Variants in COL5A3 observed in about 807,000 individuals in gnomAD.
COL5A3 encodes the protein collagen alpha-3(V) chain.
COL5A3 carries 172 observed loss-of-function variants against 250.0 expected under a neutral mutation model. That is an observed-to-expected ratio of 0.69 (90% confidence interval 0.61 to 0.78). The LOEUF is 0.78. Among genes scored for constraint, COL5A3 ranks in the 30% least tolerant of loss-of-function variants. COL5A3 has a pLI of 0.00. For synonymous variants in COL5A3, 937 were observed against 900.4 expected (o/e 1.04, Z -0.73); for missense variants, 2,340 against 2,334.4 (o/e 1.00, Z -0.05).
At position 9,972,375 on chromosome 19, in the gene COL5A3, A is replaced by T. The variant is rs185513046; in HGVS notation, c.3774+544T>A. Among the ~76,000 whole-genome samples the T allele has an allele frequency of 2.2e-4, 34 of 152,320 alleles. No homozygotes were observed. The East Asian group carries it at 6.4e-3, about 29-fold the overall frequency. On this transcript the variant is annotated intron_variant, in intron 51 of 66. Transcript: ENST00000264828. ...TATTCATCCATTTATTCATTCACGTATTCATCCATCCACTGAGTTATTCAC... is the reference window on the plus strand; with the variant it reads ...TATTCATCCATTTATTCATTCACGTTTTCATCCATCCACTGAGTTATTCAC...
rs772245345 is a variant in COL5A3, at chr19:9,995,565, A to G, written c.1586T>C (p.Met529Thr). The G allele has an allele frequency of 1.9e-6, 3 of 1,608,038 alleles. No homozygotes were observed. The highest frequency in any genetic ancestry group is 2.2e-5 in the South Asian group (2 of 90,228). ...PHGPPGRVGK[M>T]GRPGADGARG... ...TCTGGGGACCTAGCTGTCACTCACC[A>G]TCTTGCCCACTCGGCCAGGGGGTCC... The change falls in exon 16 of 67, where the codon ATG becomes ACG. Residue 529 changes from methionine to threonine, a missense_variant and splice_region_variant. Around this residue, in one of 3 missense-constraint regions of COL5A3, gnomAD observed 1,152 missense variants for 1,146.3 expected, o/e 1.00. Coordinates refer to ENST00000264828, the MANE Select transcript of COL5A3 (RefSeq NM_015719.4).
In COL5A3 at chr19:9,966,390, C is replaced by T; in HGVS notation, c.4706G>A (p.Arg1569Gln). 6.2e-7 allele frequency: 1 copy of T among 1,609,130 alleles called. No homozygotes were observed. ...YWIDPNQGCA[R>Q]DSFRVFCNFT... ...GTTGCAAAAAACCCTGAACGAGTCC[C>T]GCGCGCAGCCCTGGTTGGGGTCAAT... is the stretch of plus-strand genomic sequence containing the variant. Residue 1569 changes from arginine to glutamine, a missense_variant, in exon 64 of 67, where the codon CGG becomes CAG. Around this residue, in one of 3 missense-constraint regions of COL5A3, gnomAD observed 1,179 missense variants for 1,162.6 expected, o/e 1.01. Transcript: ENST00000264828.
chr19:9,995,602 G>C lies in COL5A3; in HGVS notation c.1549C>G (p.Gln517Glu). ...AEGPQGPRGL[Q>E]GPHGPPGRVG... The stretch of plus-strand genomic sequence containing the variant: ...CGGCCAGGGGGTCCATGAGGTCCCT[G>C]CAGGCCTCGGGGACCCTAGAAGAAA... The change falls in exon 16 of 67, where the codon CAG (glutamine) becomes GAG (glutamate). Residue 517 changes from glutamine (Q) to glutamate (E), a missense_variant. By Grantham distance (29) the Gln-to-Glu change is conservative (BLOSUM62 2). Transcript: ENST00000264828. 2 of 1,602,964 alleles carry C rather than the reference G, an allele frequency of 1.2e-6. No individual in the cohort carries two copies. The highest frequency in any genetic ancestry group is 1.7e-6 in the Non-Finnish European group (2 of 1,174,466).
intron 1 of COL5A3, among the ~76,000 whole-genome samples, chr19:10,008,789 G>A (rs1026178543): frequency 1.3e-5 from 2 of 152,172 alleles, no homozygotes; most frequent in African/African-American, 4.8e-5. Flanking sequence ...GCTTGCAGGT[G>A]TGTCTGTGAC....
chr19:9,977,633 G>A lies in COL5A3; in HGVS notation c.3087C>T (p.Ser1029=), dbSNP rs373645845. The change falls in exon 42 of 67, where the codon AGC becomes AGT. Residue 1029 remains serine (S), a synonymous_variant. Transcript: ENST00000264828. The stretch of plus-strand genomic sequence containing the variant: ...TGCCTGCAGGGCCAACGGGGCCTTC[G>A]CTGCCACTTTGGCCAGGAAGTCCAA... ...GGIGLPGQSG[S]EGPVGPAGKK... 1.1e-4 allele frequency: 182 copies of A among 1,606,510 alleles called. No homozygotes were observed. The highest frequency in any genetic ancestry group is 2.0e-4 in the East Asian group (9 of 44,736).
rs1167937872 is a variant in COL5A3 at position 10,005,809 on chromosome 19, G to T, written c.424C>A (p.Leu142Ile). ...CCCCATGCTCACCTGCCATCTGTGA[G>T]GTTGACCTGCTGGGGGAGGGGGCGG... The part of the protein sequence containing the change: ...PFRPLPQQVN[L>I]TDGRWHRVAV... The change falls in exon 3 of 67, where the codon CTC becomes ATC. Residue 142 changes from leucine (L) to isoleucine (I), a missense_variant. Physicochemically the swap from Leu to Ile is conservative, Grantham distance 5. Coordinates refer to ENST00000264828, the MANE Select transcript of COL5A3 (RefSeq NM_015719.4). 3.1e-6 allele frequency: 5 copies of T among 1,611,504 alleles called. No homozygotes were observed. Among genetic ancestry groups the T allele is most frequent in the Non-Finnish European group, 4.2e-6 (5 of 1,178,476 alleles).
In COL5A3 at chr19:9,968,523, G is replaced by T; in HGVS notation, c.4207-31C>A. 1 of 1,577,598 alleles carries T rather than the reference G, an allele frequency of 6.3e-7. No individual in the cohort carries two copies. Among genetic ancestry groups the T allele is most frequent in the Non-Finnish European group, 8.6e-7 (1 of 1,163,776 alleles). ...GGACAAAAGAGGCACAGACAGGGGA[G>T]GACGTGGGAGGATTCAGGGAGGTTT... On this transcript the variant is annotated intron_variant, in intron 58 of 66. Coordinates refer to ENST00000264828, the MANE Select transcript of COL5A3 (RefSeq NM_015719.4). The surrounding 1 kb of genome is among the most constrained non-coding windows in gnomAD (Gnocchi z 4.1).
In COL5A3 at chr19:9,990,780, G is replaced by T. The variant is rs558313288; in HGVS notation, c.1992+830C>A. Among the ~76,000 whole-genome samples, 9 of 152,096 alleles carry T rather than the reference G, an allele frequency of 5.9e-5. No homozygotes were observed. The East Asian group carries it at 1.5e-3, about 26-fold the overall frequency. On this transcript the variant is annotated intron_variant, in intron 24 of 66. Transcript: ENST00000264828. ...GGGTTTCACCATGTTAGCCAGGATGGTCTCGATCTCCTGACCTCGTGATCC... is the reference window on the plus strand; with the variant it reads ...GGGTTTCACCATGTTAGCCAGGATGTTCTCGATCTCCTGACCTCGTGATCC...
intron 56 of COL5A3, 39 bp from the exon 57 acceptor site, chr19:9,969,441 T>C: frequency 3.1e-6 from 5 of 1,601,328 alleles, no homozygotes; most frequent in Non-Finnish European, 4.3e-6. Context: ...CTGCACCCTG[T>C]CAGAACACAG....
rs1381276270 is a variant in COL5A3 at position 10,009,342 on chromosome 19, C to G, written c.88+956G>C. On this transcript the variant is annotated intron_variant, in intron 1 of 66. Coordinates refer to ENST00000264828, the MANE Select transcript of COL5A3 (RefSeq NM_015719.4). The surrounding 1 kb of genome is among the most constrained non-coding windows in gnomAD (Gnocchi z 4.4). ...TCCCGAAGCGCCCCCCACTCTGAAC[C>G]CTGAGGGGCGGGACAGGGCGCCCAG... Among the ~76,000 whole-genome samples, 2 of 152,110 alleles carry G rather than the reference C, an allele frequency of 1.3e-5. No individual in the cohort carries two copies. Among genetic ancestry groups the G allele is most frequent in the Non-Finnish European group, 2.9e-5 (2 of 68,018 alleles).
intron 64 of COL5A3, among the ~76,000 whole-genome samples, chr19:9,963,567 G>GC (rs1263662889): frequency 1.7e-5 from 2 of 118,444 alleles, no homozygotes; most frequent in East Asian, 5.9e-4. Context: ...TTTTTGGGGG[G>GC]GGGGGCGGGT....
rs771222862 is a variant in COL5A3 at position 9,966,652 on chromosome 19, G to A, written c.4553C>T (p.Ala1518Val). 28 of 1,538,070 alleles carry A rather than the reference G, an allele frequency of 1.8e-5. No individual in the cohort carries two copies. The African/African-American group carries it at 3.6e-4, about 20-fold the overall frequency. ...CTCCAAGCTCAGCGATGTGAGCGAG[G>A]CCAGCACCTCCTCCAGGCCGCCCTC... ...VVEGGLEEVLASLTSLSLELE... is the reference protein window; with the variant it reads ...VVEGGLEEVLVSLTSLSLELE... The change falls in exon 63 of 67, where the codon GCC becomes GTC. Residue 1518 changes from alanine (A) to valine (V), a missense_variant. Around this residue, in one of 3 missense-constraint regions of COL5A3, gnomAD observed 1,179 missense variants for 1,162.6 expected, o/e 1.01. Transcript: ENST00000264828.
intron 8 of COL5A3, among the ~76,000 whole-genome samples, chr19:9,998,475 C>T (rs980059579): frequency 5.9e-5 from 9 of 152,106 alleles, no homozygotes; most frequent in Non-Finnish European, 1.3e-4. Flanking sequence ...TTACAGGTAA[C>T]CGGTCAACCT....
chr19:10,003,428 G>T, intron 6 of COL5A3, 137 bp downstream of exon 6: 1 of 884,428 alleles, frequency 1.1e-6, no homozygotes, highest in South Asian at 1.7e-5. Context: ...CGAGACCAGA[G>T]AAAAAGATCA....
intron 16 of COL5A3, 43 bp from the exon 17 acceptor site, chr19:9,993,849 T>C: frequency 6.4e-7 from 1 of 1,564,016 alleles, no homozygotes; most frequent in Non-Finnish European, 8.7e-7. Context: ...GAGCCTTCCC[T>C]GTACCCCTCC....
chr19:9,973,110 T>C, intron 50 of COL5A3, 84 bp from the exon 51 acceptor site: 1 of 1,299,586 alleles, frequency 7.7e-7, no homozygotes, highest in East Asian at 2.5e-5. Flanking sequence ...GGCATTGGGG[T>C]GGTCTGGGAC....
intron 35 of COL5A3, 105 bp from the exon 36 acceptor site, chr19:9,980,152 G>A: frequency 9.6e-7 from 1 of 1,045,362 alleles, no homozygotes. Context: ...AGTGCTTACT[G>A]CATGCCAGGC....
At position 9,971,311 on chromosome 19, in the gene COL5A3, C is replaced by A. The variant is rs767395784; in HGVS notation, c.3775-53G>T. The A allele has an allele frequency of 2.6e-5, 36 of 1,364,360 alleles. No individual in the cohort carries two copies. In the Middle Eastern group the frequency reaches 1.4e-3, roughly 54 times the overall value. 84.5% of individuals were successfully genotyped at this position (1,364,360 alleles called of 1,614,324 possible). A position where few individuals can be genotyped will look rare whatever the true frequency, so the allele number is the denominator to read the frequency against. ...ATCTCTGAATTGTGGAGCAATCATG[C>A]ATTTATGGAACAGATCAACTGTATC... On this transcript the variant is annotated intron_variant, in intron 51 of 66. Transcript: ENST00000264828.
At chr19:9,978,489 G>T in intron 41 of COL5A3, 85 bp downstream of exon 41, 1 of 906,400 alleles carries the variant, frequency 1.1e-6, no homozygotes, top group Non-Finnish European at 1.8e-6. Context: ...CTCCATCATG[G>T]GTTTTATCAT....
Sources: allele counts gnomAD v4.1 joint callset (sites outside exome capture counted in the v4.1 genomes callset), GRCh38; gene constraint gnomAD v4.1.1; regional missense constraint gnomAD v4.1.1; non-coding constraint Gnocchi (gnomAD v3.1); transcripts MANE v1.5; gene names NCBI Gene and HGNC (gene_info 2026-07-23, HGNC 2026-07-21).